Variants in SLC25A48 observed in about 807,000 individuals in gnomAD.
The protein encoded by SLC25A48 is solute carrier family 25 member 48, also known as CTC-321K16.1.
SLC25A48 carries 29 observed loss-of-function variants against 32.2 expected under a neutral mutation model. That is an observed-to-expected ratio of 0.90 (90% CI 0.67 to 1.23). The LOEUF is 1.23. SLC25A48 is among the 50% of genes most tolerant of loss of function. SLC25A48 has a pLI of 0.00. For missense variants in SLC25A48, 399 were observed against 422.7 expected, an observed-to-expected ratio of 0.94 and a Z score of 0.49; for synonymous variants, 164 against 172.3, an observed-to-expected ratio of 0.95 and a Z score of 0.38.
At chr5:135,887,492 A>G (rs1762776186) in intron 7 of SLC25A48, among the ~76,000 whole-genome samples, 1 of 151,564 alleles carries the variant, frequency 6.6e-6, no homozygotes, top group South Asian at 2.1e-4. Context: ...ACACACACAT[A>G]TATATGTGTG....
exon 4 of SLC25A48, chr5:135,812,548 A>G (rs1459888701): frequency 1.3e-5 from 2 of 152,176 alleles, no homozygotes; most frequent in Admixed American, 1.3e-4. Flanking sequence ...TTATATTTGC[A>G]TCTTCTCTGC....
intron 1 of SLC25A48, among the ~76,000 whole-genome samples, chr5:135,609,983 C>G (rs1479255300): frequency 6.6e-6 from 1 of 152,170 alleles, no homozygotes; most frequent in Non-Finnish European, 1.5e-5. Context: ...AATAAGCTCA[C>G]TTTTATAAAA....
At chr5:135,705,915 AG>A (rs34091433) in intron 3 of SLC25A48, among the ~76,000 whole-genome samples, 7 of 152,110 alleles carry the variant, frequency 4.6e-5, no homozygotes, top group East Asian at 3.9e-4. Flanking sequence ...GCTGTTCTTG[AG>A]GGTGAGCTGG....
At chr5:135,653,431 G>T (rs1753165001) in intron 3 of SLC25A48, among the ~76,000 whole-genome samples, 1 of 152,208 alleles carries the variant, frequency 6.6e-6, no homozygotes, top group Non-Finnish European at 1.5e-5. Context: ...TATAGGCAGG[G>T]TAATTGAGGA....
At chr5:135,732,163 G>A (rs1755240696) in intron 3 of SLC25A48, among the ~76,000 whole-genome samples, 1 of 152,270 alleles carries the variant, frequency 6.6e-6, no homozygotes, top group Admixed American at 6.5e-5. Flanking sequence ...GCTTGGTGAG[G>A]TGTGTTTTTA....
intron 7 of SLC25A48, among the ~76,000 whole-genome samples, chr5:135,884,946 C>A (rs1040647513): frequency 6.6e-6 from 1 of 152,098 alleles, no homozygotes. Flanking sequence ...CAGAGAGAAG[C>A]ATTGCTGATC....
intron 3 of SLC25A48, among the ~76,000 whole-genome samples, chr5:135,653,302 A>G (rs73791036): frequency 0.058 from 8,847 of 152,252 alleles, 470 homozygotes; most frequent in African/African-American, 0.14. Flanking sequence ...TTACCACGGG[A>G]TGATTGGATT....
chr5:135,821,167 A>G (rs1191237610), intron 4 of SLC25A48, among the ~76,000 whole-genome samples: 1 of 152,202 alleles, frequency 6.6e-6, no homozygotes, highest in Admixed American at 6.5e-5. Context: ...AGAGGACTAC[A>G]TGACACACCA....
At chr5:135,716,283 G>T (rs1466996209) in intron 3 of SLC25A48, among the ~76,000 whole-genome samples, 1 of 152,180 alleles carries the variant, frequency 6.6e-6, no homozygotes, top group Non-Finnish European at 1.5e-5. Context: ...TGAGAAAACT[G>T]GGAGAGAACT....
At chr5:135,831,177 T>C (rs1386062097), upstream of SLC25A48, among the ~76,000 whole-genome samples, 1 of 152,174 alleles carries the variant, frequency 6.6e-6, no homozygotes, top group Admixed American at 6.5e-5. Context: ...GCTTCTGTGA[T>C]GCTCCAGGAA....
chr5:135,793,343 G>A (rs1043532930), intron 3 of SLC25A48, among the ~76,000 whole-genome samples: 3 of 151,032 alleles, frequency 2.0e-5, no homozygotes, highest in Non-Finnish European at 3.0e-5. Flanking sequence ...TGTCACAGAG[G>A]GTGTACATCA....
chr5:135,862,819 C>A (rs1283781932), intron 4 of SLC25A48, among the ~76,000 whole-genome samples: 1 of 152,136 alleles, frequency 6.6e-6, no homozygotes, highest in Admixed American at 6.5e-5. Flanking sequence ...CACAGACAAG[C>A]AATGCAGGGA....
At chr5:135,708,931 C>T (rs1015126701) in intron 3 of SLC25A48, among the ~76,000 whole-genome samples, 1 of 152,166 alleles carries the variant, frequency 6.6e-6, no homozygotes, top group Non-Finnish European at 1.5e-5. Context: ...TAGAATATGA[C>T]ATTTGCTTTG....
intron 3 of SLC25A48, among the ~76,000 whole-genome samples, chr5:135,776,728 CG>C (rs889037069): frequency 4.1e-4 from 62 of 150,012 alleles, no homozygotes; most frequent in Non-Finnish European, 1.6e-4. Context: ...TCCTAAAACC[CG>C]GGGGGTGGGG....
At chr5:135,840,691 T>C (rs779559917) in intron 1 of SLC25A48, among the ~76,000 whole-genome samples, 1 of 152,244 alleles carries the variant, frequency 6.6e-6, no homozygotes, top group East Asian at 1.9e-4. Flanking sequence ...TCTGGCCTTT[T>C]TAATTTAGCA....
chr5:135,624,649 G>T (rs1448624824), intron 1 of SLC25A48, among the ~76,000 whole-genome samples: 3 of 152,162 alleles, frequency 2.0e-5, no homozygotes, highest in Non-Finnish European at 4.4e-5. Flanking sequence ...TCTTAAATGA[G>T]TACTGGCAAG....
At chr5:135,597,484 C>A (rs1004235299) in intron 1 of SLC25A48, among the ~76,000 whole-genome samples, 7 of 152,234 alleles carry the variant, frequency 4.6e-5, no homozygotes, top group African/African-American at 1.7e-4. Context: ...CAAAACTGCA[C>A]TTGCTCTTGC....
intron 3 of SLC25A48, among the ~76,000 whole-genome samples, chr5:135,647,867 G>C (rs989628229): frequency 6.6e-6 from 1 of 152,164 alleles, no homozygotes; most frequent in African/African-American, 2.4e-5. Flanking sequence ...TTCTCTGGGA[G>C]CACTGCTTGG....
chr5:135,848,118 G>A (rs1759563101), intron 2 of SLC25A48, among the ~76,000 whole-genome samples: 1 of 152,188 alleles, frequency 6.6e-6, no homozygotes, highest in South Asian at 2.1e-4. Flanking sequence ...CTACCCGAGT[G>A]CTCAGCATGC....
Sources: allele counts gnomAD v4.1 joint callset (sites outside exome capture counted in the v4.1 genomes callset), GRCh38; gene constraint gnomAD v4.1.1; transcripts MANE v1.5; gene names NCBI Gene and HGNC (gene_info 2026-07-23, HGNC 2026-07-21).